The following LRRC7 variants were observed in gnomAD, a reference collection of about 807,000 sequenced individuals.
The protein encoded by LRRC7 is leucine-rich repeat-containing protein 7.
LRRC7 carries 23 observed loss-of-function variants against 175.7 expected under a neutral mutation model. The ratio of observed to expected loss-of-function variants is 0.13; its 90% CI spans 0.09 to 0.19. The LOEUF (loss-of-function observed/expected upper bound fraction) is 0.19. LRRC7 is among the 10% of genes least tolerant of loss of function. The pLI is 1.00. For synonymous variants in LRRC7, 685 were observed against 680.9 expected (o/e 1.01, Z -0.09); for missense variants, 1,354 against 1,904.7 (o/e 0.71, Z 5.38).
intron 1 of LRRC7, among the ~76,000 whole-genome samples, chr1:69,645,104 G>T (rs1267578729): frequency 6.6e-6 from 1 of 151,920 alleles, no homozygotes; most frequent in Non-Finnish European, 1.5e-5. Flanking sequence ...TGTATCAGAA[G>T]GTCTAGCCAT....
At chr1:70,109,270 C>T (rs1665359844) in intron 26 of LRRC7, among the ~76,000 whole-genome samples, 1 of 152,132 alleles carries the variant, frequency 6.6e-6, no homozygotes, top group Non-Finnish European at 1.5e-5. Context: ...GGTCTGCCCG[C>T]CTTGGCCTCC....
At chr1:69,583,003 ATATC>A (rs1449258377) in intron 1 of LRRC7, among the ~76,000 whole-genome samples, 5 of 152,146 alleles carry the variant, frequency 3.3e-5, no homozygotes, top group African/African-American at 9.6e-5. Flanking sequence ...ATTAATCTAA[ATATC>A]TAATATCTAA....
chr1:69,983,542 G>A (rs902837934), intron 9 of LRRC7, among the ~76,000 whole-genome samples: 24 of 152,246 alleles, frequency 1.6e-4, no homozygotes, highest in African/African-American at 5.8e-4. Flanking sequence ...ATTGCCTCAC[G>A]TAAAGAGAAC....
At position 70,135,596 on chromosome 1, in the gene LRRC7, T is replaced by TGTC. The variant is rs980831100; in HGVS notation, c.*13710_*13712dup. Among the ~76,000 whole-genome samples, 6 of 152,152 alleles carry TGTC rather than the reference T, an allele frequency of 3.9e-5. No homozygotes were observed. The highest frequency in any genetic ancestry group is 1.4e-4 in the African/African-American group (6 of 41,432). On this transcript the variant is annotated 3_prime_UTR_variant, in exon 27 of 27. Transcript: ENST00000651989. Reference sequence around the variant, plus strand: ...TCCAAGGGTGCTGCTTGTCCAACTGTGTCACCTCCCTGACAAATAAGTGAA... The same window carrying TGTC: ...TCCAAGGGTGCTGCTTGTCCAACTGTGTCGTCACCTCCCTGACAAATAAGTGAA...
At chr1:69,642,121 A>G (rs1026080798) in intron 1 of LRRC7, among the ~76,000 whole-genome samples, 37 of 152,088 alleles carry the variant, frequency 2.4e-4, no homozygotes, top group African/African-American at 8.4e-4. Flanking sequence ...ATAATAGTTT[A>G]CAAGGCCTAT....
chr1:70,053,164 A>G lies in LRRC7; in HGVS notation c.4230+19A>G, dbSNP rs1380073330. ...TAAGAAGGTAACCAATTTTTAATTA[A>G]CAAGACAAACCATGAACCTTGCACA... On this transcript the variant is annotated intron_variant, in intron 23 of 26. Coordinates refer to ENST00000651989, the MANE Select transcript of LRRC7 (RefSeq NM_001370785.2). 3 of 1,595,420 alleles carry G rather than the reference A, an allele frequency of 1.9e-6. No individual in the cohort carries two copies. Among genetic ancestry groups the G allele is most frequent in the Non-Finnish European group, 2.6e-6 (3 of 1,171,712 alleles).
In LRRC7 at chr1:69,568,456, C is replaced by T. The variant is rs1646412744; in HGVS notation, c.-184C>T. ...GAAGGGCACTGGCATCATGGTCTAA[C>T]GTGGCACCTTCCTGGATTCCCCTCT... is the stretch of plus-strand genomic sequence containing the variant. On this transcript the variant is annotated 5_prime_UTR_variant, in exon 1 of 27. In the 5' UTR this introduces an upstream ATG that the reference lacks. Transcript: ENST00000651989. 2.7e-6 allele frequency: 1 copy of T among 370,172 alleles called. No homozygotes were observed. The highest frequency in any genetic ancestry group is 5.0e-6 in the Non-Finnish European group (1 of 198,660). 22.9% of individuals were successfully genotyped at this position (370,172 alleles called of 1,614,324 possible).
intron 1 of LRRC7, among the ~76,000 whole-genome samples, chr1:69,585,955 A>T (rs1040270505): frequency 5.3e-5 from 8 of 152,208 alleles, no homozygotes; most frequent in Non-Finnish European, 1.2e-4. Context: ...ATCAGCTACT[A>T]AAAATCTGGC....
intron 1 of LRRC7, among the ~76,000 whole-genome samples, chr1:69,577,180 T>G (rs1431205064): frequency 6.6e-6 from 1 of 152,188 alleles, no homozygotes; most frequent in Non-Finnish European, 1.5e-5. Flanking sequence ...AAGAAGAAAC[T>G]ACTAGAACTG....
chr1:70,126,257 C>G lies in LRRC7; in HGVS notation c.*4370C>G, dbSNP rs1666451763. ...ACATATTTGACTAATTTGTGATATGCCGACCAAACAGCAAGTTTATTGGCA... is the reference window on the plus strand; with the variant it reads ...ACATATTTGACTAATTTGTGATATGGCGACCAAACAGCAAGTTTATTGGCA... On this transcript the variant is annotated 3_prime_UTR_variant, in exon 27 of 27. Transcript: ENST00000651989. Among the ~76,000 whole-genome samples, 1 of 151,892 alleles carries G rather than the reference C, an allele frequency of 6.6e-6. No homozygotes were observed. The highest frequency in any genetic ancestry group is 1.5e-5 in the Non-Finnish European group (1 of 68,016).
intron 8 of LRRC7, among the ~76,000 whole-genome samples, chr1:69,950,037 TC>T (rs1335886178): frequency 6.6e-6 from 1 of 152,096 alleles, no homozygotes; most frequent in Non-Finnish European, 1.5e-5. Context: ...TCACTTGTTT[TC>T]AGTGAAAGAA....
chr1:69,886,418 T>C (rs2101628732), intron 7 of LRRC7, among the ~76,000 whole-genome samples: 1 of 151,776 alleles, frequency 6.6e-6, no homozygotes, highest in African/African-American at 2.4e-5. Flanking sequence ...AAGTCTGTTT[T>C]ATCAGAGACT....
intron 1 of LRRC7, among the ~76,000 whole-genome samples, chr1:69,667,056 T>C (rs1202980184): frequency 6.6e-6 from 1 of 152,192 alleles, no homozygotes; most frequent in African/African-American, 2.4e-5. Context: ...AACTTCTTCA[T>C]TGTCCCACTG....
At chr1:69,678,554 C>CA in intron 2 of LRRC7, 76 bp downstream of exon 2, 2 of 975,710 alleles carry the variant, frequency 2.0e-6, no homozygotes, top group Non-Finnish European at 3.2e-6. Context: ...AATGAGTGAC[C>CA]TTTAAATGGT....
intron 7 of LRRC7, chr1:69,919,652 G>A (rs1221022559): frequency 3.4e-6 from 3 of 888,376 alleles, no homozygotes; most frequent in East Asian, 2.4e-5. Flanking sequence ...AGGAGAGAAG[G>A]ACTTTGAGTC....
At chr1:69,611,853 C>T (rs1178553105) in intron 1 of LRRC7, among the ~76,000 whole-genome samples, 4 of 152,044 alleles carry the variant, frequency 2.6e-5, no homozygotes, top group African/African-American at 9.7e-5. Flanking sequence ...CAAAGCAAAG[C>T]ATCACCTTAG....
chr1:70,142,174 A>G lies in LRRC7; in HGVS notation c.*20287A>G, dbSNP rs1667087062. 6.6e-6 allele frequency: 1 copy of G among 152,086 alleles called. No homozygotes were observed. 9.4% of individuals were successfully genotyped at this position (152,086 alleles called of 1,614,324 possible). A position where few individuals can be genotyped will look rare whatever the true frequency, so the allele number is the denominator to read the frequency against. ...ATTTTCAGAATATATTGTTGAAATA[A>G]TTTTTATTTTCAATACTTGTAGTCT... On this transcript the variant is annotated 3_prime_UTR_variant, in exon 27 of 27. Transcript: ENST00000651989.
intron 3 of LRRC7, among the ~76,000 whole-genome samples, chr1:69,776,502 T>C (rs1672820612): frequency 1.3e-5 from 2 of 152,208 alleles, no homozygotes; most frequent in African/African-American, 4.8e-5. Context: ...TTTAATAAAA[T>C]CCTAGAGATA....
chr1:69,820,592 A>G (rs535551325), intron 4 of LRRC7, among the ~76,000 whole-genome samples: 3 of 152,102 alleles, frequency 2.0e-5, no homozygotes, highest in East Asian at 1.9e-4. Context: ...ACTCCCACTT[A>G]TGAGTGAGAA....
Sources: allele counts gnomAD v4.1 joint callset (sites outside exome capture counted in the v4.1 genomes callset), GRCh38; gene constraint gnomAD v4.1.1; transcripts MANE v1.5; gene names NCBI Gene and HGNC (gene_info 2026-07-23, HGNC 2026-07-21).